Variants in PAMR1 observed in about 807,000 individuals in gnomAD.
PAMR1 encodes the protein inactive serine protease PAMR1.
Under a neutral mutation model 81.8 loss-of-function variants are expected in PAMR1, and 88 were observed. The observed-to-expected ratio is 1.08, with a 90% confidence interval of 0.91 to 1.28. The LOEUF (loss-of-function observed/expected upper bound fraction) is 1.28, where lower values mean the gene tolerates loss of function less well. Ranked by LOEUF, PAMR1 falls within the 50% of genes most tolerant of loss-of-function variation. The pLI, the probability that PAMR1 is intolerant of heterozygous loss-of-function variation, is 0.00. For missense variants in PAMR1, 935 were observed against 919.7 expected (o/e 1.02, Z -0.21); for synonymous variants, 336 against 345.3 (o/e 0.97, Z 0.30).
chr11:35,478,954 C>A (rs1178738616), intron 3 of PAMR1, among the ~76,000 whole-genome samples: 1 of 152,052 alleles, frequency 6.6e-6, no homozygotes, highest in Admixed American at 6.6e-5. Context: ...GGCTACGTGC[C>A]CAAACAGGAG....
At chr11:35,499,359 A>T (rs1433920477) in intron 1 of PAMR1, among the ~76,000 whole-genome samples, 1 of 152,090 alleles carries the variant, frequency 6.6e-6, no homozygotes, top group African/African-American at 2.4e-5. Flanking sequence ...GGTGTGGCTC[A>T]TGCCTCACCC....
intron 3 of PAMR1, among the ~76,000 whole-genome samples, chr11:35,483,437 A>T (rs143477774): frequency 6.6e-6 from 1 of 152,266 alleles, no homozygotes; most frequent in East Asian, 1.9e-4. Context: ...AATTCCATTT[A>T]ATAAAATACT....
chr11:35,526,475 A>T (rs1851392792), upstream of PAMR1, among the ~76,000 whole-genome samples: 2 of 152,176 alleles, frequency 1.3e-5, no homozygotes, highest in Non-Finnish European at 2.9e-5. Flanking sequence ...AGGATGTTTC[A>T]TAATAGGTGA....
intron 4 of PAMR1, 136 bp from the exon 5 acceptor site, chr11:35,470,954 G>A: frequency 1.5e-6 from 1 of 649,156 alleles, no homozygotes; most frequent in South Asian, 1.8e-5. Context: ...TAGGAAAATG[G>A]TCCTCAGAGG....
intron 10 of PAMR1, among the ~76,000 whole-genome samples, chr11:35,433,794 G>A (rs1254924309): frequency 6.6e-6 from 1 of 150,558 alleles, no homozygotes; most frequent in African/African-American, 2.5e-5. Flanking sequence ...ATCGATGGCT[G>A]GATGGATGGA....
At chr11:35,495,637 AG>A (rs1301615838) in intron 1 of PAMR1, among the ~76,000 whole-genome samples, 2 of 152,210 alleles carry the variant, frequency 1.3e-5, no homozygotes, top group African/African-American at 4.8e-5. Context: ...AAGAAACTCC[AG>A]GCAGGGATCA....
chr11:35,490,349 C>T (rs1850596627), intron 3 of PAMR1, among the ~76,000 whole-genome samples: 1 of 152,198 alleles, frequency 6.6e-6, no homozygotes, highest in African/African-American at 2.4e-5. Context: ...TCCCCCTTTC[C>T]CTCTCATGTG....
intron 6 of PAMR1, among the ~76,000 whole-genome samples, chr11:35,453,997 T>G (rs190852520): frequency 1.8e-4 from 27 of 152,328 alleles, no homozygotes; most frequent in African/African-American, 6.3e-4. Context: ...CTCTGGGATA[T>G]TGTTTCAGAT....
rs1278002400 is a variant in PAMR1 at position 35,508,709 on chromosome 11, C to T, written c.74-14437G>A. On this transcript the variant is annotated intron_variant, in intron 1 of 10. Transcript: ENST00000619888. ...CTCCCGCCCTCCACCTGCAAGTAGGCCCCAGTGTCCATTGTTCCCTTGTGG... is the reference window on the plus strand; with the variant it reads ...CTCCCGCCCTCCACCTGCAAGTAGGTCCCAGTGTCCATTGTTCCCTTGTGG... Among the ~76,000 whole-genome samples the T allele has an allele frequency of 3.3e-5, 5 of 152,006 alleles. No individual in the cohort carries two copies. The South Asian group carries it at 6.3e-4, about 19-fold the overall frequency.
chr11:35,499,309 T>A (rs1001862586), intron 1 of PAMR1, among the ~76,000 whole-genome samples: 1 of 152,108 alleles, frequency 6.6e-6, no homozygotes, highest in African/African-American at 2.4e-5. Flanking sequence ...TGTACAGATG[T>A]ATGTTCGTTC....
intron 1 of PAMR1, among the ~76,000 whole-genome samples, chr11:35,516,911 T>C (rs935910778): frequency 2.0e-5 from 3 of 151,860 alleles, no homozygotes; most frequent in Non-Finnish European, 4.4e-5. Context: ...CTCAAACAAA[T>C]AATCGCAAGG....
At chr11:35,500,117 T>C (rs1850803446) in intron 1 of PAMR1, among the ~76,000 whole-genome samples, 1 of 152,312 alleles carries the variant, frequency 6.6e-6, no homozygotes, top group South Asian at 2.1e-4. Flanking sequence ...TGCCAACCCT[T>C]TGATTTTAGT....
chr11:35,457,205 C>T (rs1289030442), intron 6 of PAMR1, among the ~76,000 whole-genome samples: 1 of 152,152 alleles, frequency 6.6e-6, no homozygotes, highest in East Asian at 1.9e-4. Flanking sequence ...AAGGATTGCT[C>T]TCCCCCAGTG....
chr11:35,525,757 G>A (rs999896721), upstream of PAMR1: 4 of 624,126 alleles, frequency 6.4e-6, no homozygotes, highest in Admixed American at 5.3e-5. Flanking sequence ...CCTTCAGCCA[G>A]AGCGACGTCA....
At chr11:35,518,436 C>T (rs1254448637) in intron 1 of PAMR1, among the ~76,000 whole-genome samples, 2 of 151,734 alleles carry the variant, frequency 1.3e-5, no homozygotes, top group Non-Finnish European at 2.9e-5. Flanking sequence ...CTTACCCTTT[C>T]CTCTTTAATG....
rs556492026 is a variant in PAMR1 at position 35,525,376 on chromosome 11, C to T, written c.73+137G>A. The T allele has an allele frequency of 1.2e-5, 8 of 664,632 alleles. No homozygotes were observed. In the South Asian group the frequency reaches 1.5e-4, roughly 13 times the overall value. The allele number at this position is 664,632 out of a possible 1,614,324, so 41.2% of individuals were successfully genotyped here. ...AAAATTATCACTGGAAAAGCACCAC[C>T]CCCCCTCAACCCCTCACCCCAAACA... is the stretch of plus-strand genomic sequence containing the variant. On this transcript the variant is annotated intron_variant, in intron 1 of 10. Transcript: ENST00000619888.
chr11:35,454,398 C>G (rs1338838468), intron 6 of PAMR1, among the ~76,000 whole-genome samples: 1 of 152,188 alleles, frequency 6.6e-6, no homozygotes, highest in Middle Eastern at 3.2e-3. Context: ...AAACAGTGTT[C>G]CTGGAGGTGT....
chr11:35,507,798 T>A (rs1047335873), intron 1 of PAMR1, among the ~76,000 whole-genome samples: 2 of 72 alleles, frequency 0.028, no homozygotes, highest in Non-Finnish European at 0.053. Flanking sequence ...TATTGAAATC[T>A]TTTTTTTTTT....
In PAMR1 at chr11:35,441,179, A is replaced by C. The variant is rs563329409; in HGVS notation, c.1033+302T>G. Among the ~76,000 whole-genome samples, 7 of 152,332 alleles carry C rather than the reference A, an allele frequency of 4.6e-5. No individual in the cohort carries two copies. The East Asian group carries it at 1.3e-3, about 29-fold the overall frequency. ...CATGCTTATACATTGCCTCAATTCT[A>C]TACTTGGATTTGCATATATTAAACT... On this transcript the variant is annotated intron_variant, in intron 7 of 10. Coordinates refer to ENST00000619888, the MANE Select transcript of PAMR1 (RefSeq NM_001001991.3).
Sources: allele counts gnomAD v4.1 joint callset (sites outside exome capture counted in the v4.1 genomes callset), GRCh38; gene constraint gnomAD v4.1.1; transcripts MANE v1.5; gene names NCBI Gene and HGNC (gene_info 2026-07-23, HGNC 2026-07-21).